Variants in TRPC5 observed in about 807,000 individuals in gnomAD.
The protein encoded by TRPC5 is short transient receptor potential channel 5.
In TRPC5, 9 loss-of-function variants were observed where a neutral mutation model predicts 56.5. That is an observed-to-expected ratio of 0.16 (90% CI 0.10 to 0.28). The LOEUF is 0.28. Among genes scored for constraint, TRPC5 ranks in the 10% least tolerant of loss-of-function variants. The pLI, the probability that TRPC5 is intolerant of heterozygous loss-of-function variation, is 1.00. For missense variants in TRPC5, 469 were observed against 748.9 expected, an observed-to-expected ratio of 0.63 and a Z score of 4.36; for synonymous variants, 282 against 278.5, an observed-to-expected ratio of 1.01 and a Z score of -0.13.
At chrX:112,051,419 C>T (rs747904188) in intron 1 of TRPC5, among the ~76,000 whole-genome samples, 1 of 111,373 alleles carries the variant, frequency 9.0e-6, no homozygotes, top group Non-Finnish European at 1.9e-5. Flanking sequence ...GGTGTATCTT[C>T]TCAAGATCCA....
At chrX:111,981,753 A>C (rs1259885512) in intron 1 of TRPC5, among the ~76,000 whole-genome samples, 3 of 112,017 alleles carry the variant, frequency 2.7e-5, no homozygotes, top group Non-Finnish European at 5.6e-5. Context: ...CTTAATTACC[A>C]CGATGTAAAG....
chrX:111,801,231 T>C (rs1921301108), intron 7 of TRPC5, among the ~76,000 whole-genome samples: 1 of 112,256 alleles, frequency 8.9e-6, no homozygotes, highest in African/African-American at 3.2e-5. Context: ...GGTACTTCAT[T>C]CCTTTCCGTG....
At chrX:111,913,183 A>G (rs1388564227) in intron 2 of TRPC5, among the ~76,000 whole-genome samples, 1 of 111,670 alleles carries the variant, frequency 9.0e-6, no homozygotes, top group African/African-American at 3.3e-5. Context: ...TCTAGAGTCA[A>G]ATTGTCAATT....
At chrX:111,888,766 A>T (rs1017641723) in intron 3 of TRPC5, among the ~76,000 whole-genome samples, 10 of 108,023 alleles carry the variant, frequency 9.3e-5, no homozygotes, top group African/African-American at 3.4e-4. Flanking sequence ...AGGCAAAGAG[A>T]CTCCTGTCAG....
At chrX:111,823,288 A>C (rs947216204) in intron 7 of TRPC5, among the ~76,000 whole-genome samples, 8 of 111,307 alleles carry the variant, frequency 7.2e-5, no homozygotes, top group Non-Finnish European at 5.7e-5. Flanking sequence ...AGAATGGGGG[A>C]GGTCTGTCTG....
chrX:111,863,720 C>T (rs1923467914), intron 3 of TRPC5, among the ~76,000 whole-genome samples: 1 of 111,785 alleles, frequency 8.9e-6, no homozygotes, highest in Non-Finnish European at 1.9e-5. Context: ...TTCAAGTTTC[C>T]TATTAAGTGT....
chrX:111,995,675 C>A (rs989259674), intron 1 of TRPC5, among the ~76,000 whole-genome samples: 8 of 111,597 alleles, frequency 7.2e-5, no homozygotes, highest in African/African-American at 2.3e-4. Context: ...GATTCAACTT[C>A]TTCCTAGTTT....
intron 1 of TRPC5, among the ~76,000 whole-genome samples, chrX:112,076,147 A>G (rs1930829359): frequency 8.9e-6 from 1 of 112,130 alleles, no homozygotes; most frequent in Non-Finnish European, 1.9e-5. Context: ...AATTAGATAT[A>G]AATATTGTCT....
At chrX:111,927,436 T>C (rs1324775721) in intron 2 of TRPC5, among the ~76,000 whole-genome samples, 1 of 112,417 alleles carries the variant, frequency 8.9e-6, no homozygotes, top group Non-Finnish European at 1.9e-5. Flanking sequence ...TGTGATTTGA[T>C]GCTGCACTGC....
At chrX:111,965,025 C>T (rs1187706502) in intron 1 of TRPC5, among the ~76,000 whole-genome samples, 1 of 111,813 alleles carries the variant, frequency 8.9e-6, no homozygotes, top group East Asian at 2.8e-4. Flanking sequence ...AAGACACAAA[C>T]TGGCAAATTG....
intron 3 of TRPC5, among the ~76,000 whole-genome samples, chrX:111,870,686 C>G (rs919833531): frequency 2.7e-5 from 3 of 111,151 alleles, no homozygotes; most frequent in African/African-American, 9.8e-5. Context: ...GTTTTCAGAA[C>G]TTGGTGGGCT....
chrX:111,992,127 A>G (rs16986725), intron 1 of TRPC5, among the ~76,000 whole-genome samples: 23,475 of 111,560 alleles, frequency 0.21, 2,480 homozygotes, highest in African/African-American at 0.41. Context: ...TTTGGCAAGT[A>G]GAGACTTTCC....
chrX:111,820,950 G>A (rs749338162), intron 7 of TRPC5, among the ~76,000 whole-genome samples: 1 of 111,404 alleles, frequency 9.0e-6, no homozygotes, highest in African/African-American at 3.3e-5. Flanking sequence ...AAACCCTGTG[G>A]TATAACCTCC....
chrX:111,822,215 G>A (rs982991100), intron 7 of TRPC5, among the ~76,000 whole-genome samples: 2 of 111,069 alleles, frequency 1.8e-5, no homozygotes, highest in African/African-American at 3.3e-5. Flanking sequence ...TTCCTCAGGC[G>A]CATTTCCCTT....
chrX:111,981,463 C>G (rs1425160906), intron 1 of TRPC5, among the ~76,000 whole-genome samples: 1 of 111,825 alleles, frequency 8.9e-6, no homozygotes, highest in Non-Finnish European at 1.9e-5. Flanking sequence ...CCTGCACAGA[C>G]ACACCCAGAA....
chrX:111,912,232 G>A lies in TRPC5; in HGVS notation c.900+59C>T, dbSNP rs1925840601. 7 of 1,116,691 alleles carry A rather than the reference G, an allele frequency of 6.3e-6. No homozygotes were observed. In the Admixed American group the frequency reaches 1.7e-4, roughly 28 times the overall value. 92.0% of individuals were successfully genotyped at this position (1,116,691 alleles called of 1,213,427 possible). A position where few individuals can be genotyped will look rare whatever the true frequency, so the allele number is the denominator to read the frequency against. ...GTAGAAAAATGCTGATTCTTGCTCT[G>A]CTGCTCCAGACTTTGGAGGCTTTAA... On this transcript the variant is annotated intron_variant, in intron 3 of 10. Coordinates refer to ENST00000262839, the MANE Select transcript of TRPC5 (RefSeq NM_012471.3).
intron 1 of TRPC5, among the ~76,000 whole-genome samples, chrX:111,992,372 T>C (rs1928377544): frequency 9.0e-6 from 1 of 111,631 alleles, no homozygotes; most frequent in African/African-American, 3.3e-5. Context: ...GAAAGCAGCT[T>C]TAAGCATTTG....
At position 111,944,267 on chromosome X, in the gene TRPC5, AGTGTGT is replaced by A. The variant is rs36057312; in HGVS notation, c.378+7770_378+7775del. On this transcript the variant is annotated intron_variant, in intron 2 of 10. Transcript: ENST00000262839. ...GGCCAAGGAGGTGTGGGAGTAGAAGAGTGTGTGTGTGTGTGTGTGTGTGTGTGTGTG... is the reference window on the plus strand; with the variant it reads ...GGCCAAGGAGGTGTGGGAGTAGAAGAGTGTGTGTGTGTGTGTGTGTGTGTG... Among the ~76,000 whole-genome samples, 33 of 71,722 alleles carry A rather than the reference AGTGTGT, an allele frequency of 4.6e-4. 1 individual carries two copies. Among genetic ancestry groups the A allele is most frequent in the African/African-American group, 1.5e-3 (26 of 17,131 alleles). 62.3% of individuals were successfully genotyped at this position (71,722 alleles called of 115,157 possible). A position where few individuals can be genotyped will look rare whatever the true frequency, so the allele number is the denominator to read the frequency against.
chrX:112,075,433 C>T (rs6642986), intron 1 of TRPC5, among the ~76,000 whole-genome samples: 1 of 111,428 alleles, frequency 9.0e-6, no homozygotes, highest in Non-Finnish European at 1.9e-5. Flanking sequence ...ATTTAAAACC[C>T]CATATTTGTA....
Sources: allele counts gnomAD v4.1 joint callset (sites outside exome capture counted in the v4.1 genomes callset), GRCh38; gene constraint gnomAD v4.1.1; transcripts MANE v1.5; gene names NCBI Gene and HGNC (gene_info 2026-07-23, HGNC 2026-07-21).